The following PDE1C variants were observed in gnomAD, a reference collection of about 807,000 sequenced individuals.
PDE1C encodes phosphodiesterase 1C.
PDE1C carries 62 observed loss-of-function variants against 93.1 expected under a neutral mutation model. The ratio of observed to expected loss-of-function variants is 0.67; its 90% CI spans 0.54 to 0.82. The LOEUF (loss-of-function observed/expected upper bound fraction) is 0.82. Among genes scored for constraint, PDE1C ranks in the 40% least tolerant of loss-of-function variants. The probability of loss-of-function intolerance (pLI) is 0.00; values close to 1 mark genes in which losing one functional copy is unlikely to be tolerated. For synonymous variants in PDE1C, 325 were observed against 310.1 expected (o/e 1.05, Z -0.50); for missense variants, 742 against 884.6 (o/e 0.84, Z 2.04).
chr7:32,048,128 C>A (rs1186940487), intron 2 of PDE1C, among the ~76,000 whole-genome samples: 1 of 152,186 alleles, frequency 6.6e-6, no homozygotes, highest in African/African-American at 2.4e-5. Flanking sequence ...GAGGAATCCA[C>A]CTACTCCAAA....
chr7:32,386,049 C>A (rs1278784253), intron 1 of PDE1C, among the ~76,000 whole-genome samples: 1 of 150,550 alleles, frequency 6.6e-6, no homozygotes, highest in Non-Finnish European at 1.5e-5. Context: ...ACTGACTCAG[C>A]TCCTTCCACT....
chr7:31,702,143 TATG>T, the PDE1C span, among the ~76,000 whole-genome samples: 1 of 152,174 alleles, frequency 6.6e-6, no homozygotes, highest in Non-Finnish European at 1.5e-5. Context: ...CAGGTTATGC[TATG>T]ATATGGGAAA....
chr7:32,100,225 C>T (rs182995468), intron 3 of PDE1C, among the ~76,000 whole-genome samples: 262 of 152,286 alleles, frequency 1.7e-3, no homozygotes, highest in Admixed American at 3.8e-3. Context: ...TATGTCCCAA[C>T]AAACTCCAGG....
intron 9 of PDE1C, among the ~76,000 whole-genome samples, chr7:31,841,117 GCTA>G (rs2128775334): frequency 6.6e-6 from 1 of 151,770 alleles, no homozygotes; most frequent in East Asian, 1.9e-4. Flanking sequence ...GTTTTTGAAA[GCTA>G]CTACTAAGTA....
downstream of PDE1C, among the ~76,000 whole-genome samples, chr7:31,747,929 T>C (rs1794040885): frequency 6.6e-6 from 1 of 152,046 alleles, no homozygotes; most frequent in Non-Finnish European, 1.5e-5. Context: ...GAAAGGATTA[T>C]AAAAACTGTG....
intron 2 of PDE1C, among the ~76,000 whole-genome samples, chr7:31,948,929 T>C (rs1438844778): frequency 6.6e-6 from 1 of 152,178 alleles, no homozygotes; most frequent in Admixed American, 6.5e-5. Flanking sequence ...AATCTTACAG[T>C]AATCCTAACT....
the PDE1C span, among the ~76,000 whole-genome samples, chr7:31,726,230 A>T: frequency 1.6e-4 from 24 of 149,892 alleles, no homozygotes; most frequent in African/African-American, 5.6e-4. Context: ...CAACATGATC[A>T]TTTTTTTTTT....
At chr7:32,248,842 T>C (rs1396239421) in intron 1 of PDE1C, among the ~76,000 whole-genome samples, 1 of 152,200 alleles carries the variant, frequency 6.6e-6, no homozygotes, top group African/African-American at 2.4e-5. Flanking sequence ...AAGAGCTTCC[T>C]TTTGTTTTTT....
At chr7:31,977,473 A>C (rs1191358466) in intron 2 of PDE1C, among the ~76,000 whole-genome samples, 1 of 152,200 alleles carries the variant, frequency 6.6e-6, no homozygotes, top group African/African-American at 2.4e-5. Flanking sequence ...ATATAGCTAG[A>C]AAATACCAAG....
Position 31,998,727 on chromosome 7 carries a change from T to G in PDE1C, c.128+52827A>C, listed in dbSNP as rs1785082637. On this transcript the variant is annotated intron_variant, in intron 2 of 17. Coordinates refer to ENST00000396191, the MANE Select transcript of PDE1C (RefSeq NM_001191057.4). Reference sequence around the variant, plus strand: ...AACAATTTCATTAACACAAAAATTCTAATACTAAAAGTTCTTTAGCTAAAT... The same window carrying G: ...AACAATTTCATTAACACAAAAATTCGAATACTAAAAGTTCTTTAGCTAAAT... Among the ~76,000 whole-genome samples, 3 of 152,358 alleles carry G rather than the reference T, an allele frequency of 2.0e-5. No individual in the cohort carries two copies. The South Asian group carries it at 6.2e-4, about 32-fold the overall frequency.
chr7:31,626,295 A>G, the PDE1C span, among the ~76,000 whole-genome samples: 1 of 152,210 alleles, frequency 6.6e-6, no homozygotes, highest in East Asian at 1.9e-4. Flanking sequence ...AAATTAGGCC[A>G]ACTGCATAAC....
intron 11 of PDE1C, among the ~76,000 whole-genome samples, chr7:31,831,953 T>C (rs1048716193): frequency 6.6e-6 from 1 of 152,060 alleles, no homozygotes; most frequent in Admixed American, 6.6e-5. Flanking sequence ...GCCCCTGAAA[T>C]TGTTAAGAAC....
Position 31,965,615 on chromosome 7 carries a change from A to G in PDE1C, c.129-84755T>C, listed in dbSNP as rs564070413. Among the ~76,000 whole-genome samples the G allele has an allele frequency of 6.3e-4, 96 of 152,312 alleles. 1 individual carries two copies. The highest frequency in any genetic ancestry group is 3.4e-3 in the Middle Eastern group (1 of 294). On this transcript the variant is annotated intron_variant, in intron 2 of 17. Coordinates refer to ENST00000396191, the MANE Select transcript of PDE1C (RefSeq NM_001191057.4). Reference sequence around the variant, plus strand: ...TTCAGGAAATACAGAGAAGGCCACAAAGATACTCCTCGAGAAGAGCAATTC... The same window carrying G: ...TTCAGGAAATACAGAGAAGGCCACAGAGATACTCCTCGAGAAGAGCAATTC...
chr7:31,880,774 A>G lies in PDE1C; in HGVS notation c.215T>C (p.Leu72Pro). The change falls in exon 3 of 18, where the codon CTT becomes CCT. Residue 72 changes from leucine to proline, a missense_variant. Coordinates refer to ENST00000396191, the MANE Select transcript of PDE1C (RefSeq NM_001191057.4). The part of the protein sequence containing the change: ...KKNLEYAATV[L>P]ESVYIDETRR... The stretch of plus-strand genomic sequence containing the variant: ...TGTTTCATCAATATACACAGATTCA[A>G]GCACTGTGGCTGCATATTCCAAATT... 1 of 1,603,904 alleles carries G rather than the reference A, an allele frequency of 6.2e-7. No individual in the cohort carries two copies. The highest frequency in any genetic ancestry group is 1.3e-5 in the African/African-American group (1 of 74,902).
At chr7:31,666,174 T>C in the PDE1C span, among the ~76,000 whole-genome samples, 1 of 152,212 alleles carries the variant, frequency 6.6e-6, no homozygotes, top group Non-Finnish European at 1.5e-5. Context: ...ATGTTAGCTG[T>C]AGAAACCTGA....
chr7:31,779,190 A>G (rs1284511615), intron 16 of PDE1C, among the ~76,000 whole-genome samples: 1 of 152,164 alleles, frequency 6.6e-6, no homozygotes. Flanking sequence ...CTTGTGTGGT[A>G]GAAATTTCCT....
Position 32,328,768 on chromosome 7 carries a change from C to T in PDE1C, c.310+99054G>A, listed in dbSNP as rs753902155. 2.8e-4 allele frequency among the ~76,000 whole-genome samples: 43 copies of T among 152,316 alleles called. 1 individual carries two copies. Among genetic ancestry groups the T allele is most frequent in the Middle Eastern group, 6.8e-3 (2 of 294 alleles). On this transcript the variant is annotated intron_variant, in intron 1 of 1. Coordinates refer to the PDE1C transcript ENST00000672256. ...TCAACAGTGAATCTCCTCTGCAACG[C>T]TTACACAATCTCCACATAGCTTGTT...
At chr7:31,696,841 T>C in the PDE1C span, 1 of 1,103,870 alleles carries the variant, frequency 9.1e-7, no homozygotes, top group East Asian at 2.5e-5. Flanking sequence ...TCTTGCTTTA[T>C]TAAAGTAAGT....
At chr7:32,343,490 C>T (rs1048400245) in intron 1 of PDE1C, among the ~76,000 whole-genome samples, 2 of 152,152 alleles carry the variant, frequency 1.3e-5, no homozygotes, top group African/African-American at 4.8e-5. Flanking sequence ...TTAGAGTGTC[C>T]AAGCTTCATC....
Sources: gnomAD v4.1 joint callset for allele counts (sites outside exome capture counted in the v4.1 genomes callset) on GRCh38, gnomAD v4.1.1 for gene constraint, MANE v1.5 for transcripts, NCBI Gene and HGNC (gene_info 2026-07-23, HGNC 2026-07-21) for gene names.